NTN1: variants seen among roughly 807,000 people sequenced by gnomAD.
NTN1 encodes the protein netrin-1.
In NTN1, 11 loss-of-function variants were observed where a neutral mutation model predicts 54.2. The ratio of observed to expected loss-of-function variants is 0.20; its 90% confidence interval spans 0.13 to 0.34. The LOEUF is 0.34. NTN1 is among the 10% of genes least tolerant of loss of function. The probability of loss-of-function intolerance (pLI) is 1.00; values close to 1 mark genes in which losing one functional copy is unlikely to be tolerated. For synonymous variants in NTN1, 371 were observed against 382.0 expected, an observed-to-expected ratio of 0.97 and a Z score of 0.33; for missense variants, 740 against 893.1, an observed-to-expected ratio of 0.83 and a Z score of 2.18.
At chr17:9,103,435 G>A (rs756850847) in intron 2 of NTN1, among the ~76,000 whole-genome samples, 7 of 152,108 alleles carry the variant, frequency 4.6e-5, no homozygotes, top group Non-Finnish European at 8.8e-5. Context: ...GTTTGCCTCC[G>A]TGCTGTTCTC....
rs371113707 is a variant in NTN1, at chr17:9,063,118, C to T, written c.1018+39727C>T. 2.0e-3 allele frequency among the ~76,000 whole-genome samples: 287 copies of T among 142,192 alleles called. 2 individuals are homozygous for T. In the South Asian group the frequency reaches 0.036, roughly 18 times the overall value. 93.3% of individuals were successfully genotyped at this position (142,192 alleles called of 152,430 possible). A position where few individuals can be genotyped will look rare whatever the true frequency, so the allele number is the denominator to read the frequency against. ...CATTAATGACTTTTTTTTTTTTTGA[C>T]GGAGTTTTGCTCTTGTTGCCTAGGC... is the stretch of plus-strand genomic sequence containing the variant. On this transcript the variant is annotated intron_variant, in intron 2 of 6. Transcript: ENST00000173229.
intron 2 of NTN1, among the ~76,000 whole-genome samples, chr17:9,089,892 T>A (rs1321254841): frequency 6.6e-6 from 1 of 152,160 alleles, no homozygotes; most frequent in Non-Finnish European, 1.5e-5. Context: ...ACAAACTTTT[T>A]TTTTTAAACA....
At chr17:9,217,725 C>T (rs1048164085) in intron 5 of NTN1, among the ~76,000 whole-genome samples, 1 of 152,062 alleles carries the variant, frequency 6.6e-6, no homozygotes, top group Non-Finnish European at 1.5e-5. Context: ...GCCTAGTTAC[C>T]TGTATTTTAC....
intron 2 of NTN1, among the ~76,000 whole-genome samples, chr17:9,032,578 T>C (rs1441921274): frequency 6.6e-6 from 1 of 152,192 alleles, no homozygotes; most frequent in East Asian, 1.9e-4. Flanking sequence ...TCTGCTTACG[T>C]TTGGGCTGGT....
In NTN1 at chr17:9,077,382, A is replaced by G. The variant is rs78958392; in HGVS notation, c.1018+53991A>G. ...GGAAGGCATCCAGAGGCAACAGGAT[A>G]TTGGAGGTGGGGCAGTGGCTGAGAA... is the stretch of plus-strand genomic sequence containing the variant. On this transcript the variant is annotated intron_variant, in intron 2 of 6. Transcript: ENST00000173229. 7.6e-3 allele frequency among the ~76,000 whole-genome samples: 1,163 copies of G among 152,268 alleles called. 16 individuals are homozygous for G. Among genetic ancestry groups the G allele is most frequent in the African/African-American group, 0.027 (1,117 of 41,556 alleles).
intron 2 of NTN1, among the ~76,000 whole-genome samples, chr17:9,095,360 C>T (rs775676971): frequency 1.3e-5 from 2 of 152,166 alleles, no homozygotes; most frequent in Non-Finnish European, 1.5e-5. Context: ...ATAAGATATT[C>T]ATCTACTTTT....
chr17:9,224,012 TG>T (rs1905453056), intron 6 of NTN1, among the ~76,000 whole-genome samples: 1 of 152,196 alleles, frequency 6.6e-6, no homozygotes, highest in Non-Finnish European at 1.5e-5. Flanking sequence ...GAGAGGCAGC[TG>T]GGAGCAAGGA....
intron 2 of NTN1, among the ~76,000 whole-genome samples, chr17:9,057,673 G>A (rs764056266): frequency 1.7e-4 from 26 of 152,152 alleles, no homozygotes; most frequent in African/African-American, 5.3e-4. Context: ...CATCAGGCAC[G>A]AAGGCAGGAT....
chr17:9,116,203 G>C (rs2092211602), intron 2 of NTN1, among the ~76,000 whole-genome samples: 1 of 152,204 alleles, frequency 6.6e-6, no homozygotes, highest in African/African-American at 2.4e-5. Context: ...AACATTCCAC[G>C]GGGGTGGCAG....
Position 9,239,379 on chromosome 17 carries a change from C to T in NTN1, c.1487-261C>T, listed in dbSNP as rs1031321102. ...TGTAGGCTTCCTGGACAAAGTGGGC[C>T]TTGACAAGGCCAGGAGATGGCTTGT... On this transcript the variant is annotated intron_variant, in intron 6 of 6. Transcript: ENST00000173229. This position sits in a 1 kb window ranked among gnomAD's most constrained non-coding sequence, Gnocchi z 5.2. 1.3e-5 allele frequency among the ~76,000 whole-genome samples: 2 copies of T among 152,184 alleles called. No homozygotes were observed. Among genetic ancestry groups the T allele is most frequent in the Non-Finnish European group, 2.9e-5 (2 of 68,036 alleles).
intron 2 of NTN1, among the ~76,000 whole-genome samples, chr17:9,145,443 T>C (rs1054643636): frequency 2.6e-5 from 4 of 151,988 alleles, no homozygotes; most frequent in Non-Finnish European, 5.9e-5. Context: ...AGGGTGGAGG[T>C]CTGGGGAGGA....
At chr17:9,055,213 CT>C (rs1407304641) in intron 2 of NTN1, among the ~76,000 whole-genome samples, 1 of 152,220 alleles carries the variant, frequency 6.6e-6, no homozygotes, top group Non-Finnish European at 1.5e-5. Flanking sequence ...CATTCATTCA[CT>C]TATTCATTCT....
intron 2 of NTN1, among the ~76,000 whole-genome samples, chr17:9,115,832 G>A (rs1273832200): frequency 1.3e-5 from 2 of 152,256 alleles, no homozygotes; most frequent in Non-Finnish European, 2.9e-5. Flanking sequence ...GAGGAGGGCT[G>A]GCGAGGCGGC....
intron 2 of NTN1, among the ~76,000 whole-genome samples, chr17:9,145,077 G>A (rs2092309669): frequency 6.6e-6 from 1 of 152,240 alleles, no homozygotes; most frequent in Admixed American, 6.5e-5. Context: ...AGCTGAGGCA[G>A]GCGCATGAAA....
chr17:9,188,162 C>G lies in NTN1; in HGVS notation c.1411+5193C>G, dbSNP rs191420258. Among the ~76,000 whole-genome samples, 779 of 152,282 alleles carry G rather than the reference C, an allele frequency of 5.1e-3. 8 individuals are homozygous for G. Among genetic ancestry groups the G allele is most frequent in the African/African-American group, 0.018 (743 of 41,562 alleles). ...TGCTAAATCTGGCTGGGTGCAGTGG[C>G]TCACGCCTGTAATCCCGGCACTATG... On this transcript the variant is annotated intron_variant, in intron 5 of 6. Coordinates refer to ENST00000173229, the MANE Select transcript of NTN1 (RefSeq NM_004822.3).
intron 2 of NTN1, among the ~76,000 whole-genome samples, chr17:9,112,179 C>T (rs2092193820): frequency 6.6e-6 from 1 of 152,164 alleles, no homozygotes. Context: ...CAAGGGAGCC[C>T]CAGTGGGGCC....
intron 2 of NTN1, among the ~76,000 whole-genome samples, chr17:9,105,622 A>G (rs538248254): frequency 1.3e-5 from 2 of 152,082 alleles, no homozygotes; most frequent in East Asian, 1.9e-4. Context: ...CTCCTAAAAG[A>G]TGTTTGGTTC....
chr17:9,124,109 G>A (rs1014020654), intron 2 of NTN1, among the ~76,000 whole-genome samples: 8 of 152,128 alleles, frequency 5.3e-5, no homozygotes, highest in Admixed American at 1.3e-4. Context: ...CTGGGTCTGC[G>A]TCACCAGGTC....
At chr17:9,110,580 C>T (rs1275891544) in intron 2 of NTN1, among the ~76,000 whole-genome samples, 6 of 152,058 alleles carry the variant, frequency 3.9e-5, no homozygotes, top group Non-Finnish European at 8.8e-5. Context: ...GCCCCTCCTG[C>T]CTCTTTTCTA....
Sources: gnomAD v4.1 joint callset for allele counts (sites outside exome capture counted in the v4.1 genomes callset) on GRCh38, gnomAD v4.1.1 for gene constraint, Gnocchi (gnomAD v3.1) non-coding constraint, MANE v1.5 for transcripts, NCBI Gene and HGNC (gene_info 2026-07-23, HGNC 2026-07-21) for gene names.